Variants in CCSER1 observed in about 807,000 individuals in gnomAD.
CCSER1 encodes serine-rich coiled-coil domain-containing protein 1.
Under a neutral mutation model 82.0 loss-of-function variants are expected in CCSER1, and 41 were observed. The observed-to-expected ratio is 0.50, with a 90% CI of 0.39 to 0.65. CCSER1 has a LOEUF of 0.65. Ranked by LOEUF, CCSER1 falls within the 30% of genes least tolerant of loss-of-function variation. The probability of loss-of-function intolerance (pLI) is 0.00; values close to 1 mark genes in which losing one functional copy is unlikely to be tolerated. For missense variants in CCSER1, 1,119 were observed against 1,064.2 expected (o/e 1.05, Z -0.72); for synonymous variants, 414 against 383.9 (o/e 1.08, Z -0.92).
chr4:91,020,258 C>T (rs545035650), intron 9 of CCSER1, among the ~76,000 whole-genome samples: 1 of 152,316 alleles, frequency 6.6e-6, no homozygotes, highest in Admixed American at 6.5e-5. Context: ...TACAGACCCA[C>T]ATCCCTTGCA....
intron 10 of CCSER1, among the ~76,000 whole-genome samples, chr4:91,322,380 T>C (rs1409252556): frequency 6.6e-6 from 1 of 152,062 alleles, no homozygotes; most frequent in Non-Finnish European, 1.5e-5. Flanking sequence ...CCATATCCTC[T>C]TTAAGTTGAT....
At chr4:91,423,591 T>C (rs1350292127) in intron 10 of CCSER1, among the ~76,000 whole-genome samples, 1 of 152,160 alleles carries the variant, frequency 6.6e-6, no homozygotes, top group East Asian at 1.9e-4. Context: ...ATATAGCTTA[T>C]GAAACCAAGA....
At chr4:91,571,465 T>G (rs1395941106) in intron 10 of CCSER1, among the ~76,000 whole-genome samples, 5 of 152,202 alleles carry the variant, frequency 3.3e-5, no homozygotes, top group African/African-American at 1.2e-4. Flanking sequence ...CAGTTTTACA[T>G]GGCTGGGGAG....
chr4:90,447,838 C>T (rs1257250406), intron 4 of CCSER1, among the ~76,000 whole-genome samples: 4 of 151,946 alleles, frequency 2.6e-5, no homozygotes, highest in Admixed American at 1.3e-4. Context: ...AAGATATATT[C>T]AACAGTTTTA....
rs1397198019 is a variant in CCSER1, at chr4:90,239,082, C to T, written c.-41-69162C>T. ...GCCAGGCTGGTTCCGAACTCCTGAC[C>T]GCAGGTGATCCGCCTGCCTGGGCCT... On this transcript the variant is annotated intron_variant, in intron 1 of 10. Coordinates refer to ENST00000509176, the MANE Select transcript of CCSER1 (RefSeq NM_001145065.2). Among the ~76,000 whole-genome samples the T allele has an allele frequency of 9.2e-5, 14 of 152,222 alleles. No homozygotes were observed. The East Asian group carries it at 1.9e-3, about 21-fold the overall frequency.
At chr4:90,995,495 A>G (rs935831672) in intron 9 of CCSER1, among the ~76,000 whole-genome samples, 2 of 152,052 alleles carry the variant, frequency 1.3e-5, no homozygotes, top group African/African-American at 4.8e-5. Context: ...TTATGTTTGG[A>G]TATTTTTTTC....
At chr4:90,349,816 C>A (rs747465809) in intron 3 of CCSER1, among the ~76,000 whole-genome samples, 1 of 152,090 alleles carries the variant, frequency 6.6e-6, no homozygotes. Context: ...CCACAGGAAA[C>A]CTCTGTGAGT....
intron 10 of CCSER1, among the ~76,000 whole-genome samples, chr4:91,519,984 TTAAAG>T (rs113597972): frequency 0.011 from 1,670 of 152,326 alleles, 11 homozygotes; most frequent in African/African-American, 0.021. Context: ...TGCCTCTTGA[TTAAAG>T]TATTTTGTCA....
chr4:91,213,379 C>A (rs774110318), intron 10 of CCSER1, among the ~76,000 whole-genome samples: 2 of 152,162 alleles, frequency 1.3e-5, no homozygotes, highest in Middle Eastern at 3.4e-3. Context: ...TACAATTTTA[C>A]CAAAATAGGT....
intron 10 of CCSER1, among the ~76,000 whole-genome samples, chr4:91,415,105 T>C (rs538285913): frequency 6.6e-6 from 1 of 152,242 alleles, no homozygotes; most frequent in Admixed American, 6.5e-5. Context: ...ATACAGAACA[T>C]TCCATCTAAC....
chr4:90,964,583 G>T (rs913106187), intron 9 of CCSER1, among the ~76,000 whole-genome samples: 1 of 151,612 alleles, frequency 6.6e-6, no homozygotes, highest in African/African-American at 2.4e-5. Flanking sequence ...AACTTAGCTG[G>T]GTGTGGTGGC....
At chr4:91,198,370 T>G (rs1735623124) in intron 10 of CCSER1, among the ~76,000 whole-genome samples, 4 of 151,776 alleles carry the variant, frequency 2.6e-5, no homozygotes, top group Non-Finnish European at 5.9e-5. Flanking sequence ...AAAAAAAAAG[T>G]ATGGTGTTAA....
chr4:90,659,640 C>G (rs1730387641), intron 6 of CCSER1, among the ~76,000 whole-genome samples: 2 of 152,098 alleles, frequency 1.3e-5, no homozygotes, highest in Admixed American at 1.3e-4. Flanking sequence ...ATATTTTTAA[C>G]CAACATTGCA....
At chr4:91,022,649 C>G (rs902738894) in intron 9 of CCSER1, among the ~76,000 whole-genome samples, 21 of 152,294 alleles carry the variant, frequency 1.4e-4, no homozygotes, top group Admixed American at 1.2e-3. Context: ...GTTCTTATTT[C>G]TCCACATCCT....
chr4:91,105,709 A>C (rs528973688), intron 10 of CCSER1, among the ~76,000 whole-genome samples: 1 of 152,280 alleles, frequency 6.6e-6, no homozygotes, highest in Non-Finnish European at 1.5e-5. Context: ...ATCTCAAAAA[A>C]ATAAATAAAA....
At chr4:90,286,549 AT>A (rs1729933740) in intron 1 of CCSER1, among the ~76,000 whole-genome samples, 1 of 152,044 alleles carries the variant, frequency 6.6e-6, no homozygotes, top group Non-Finnish European at 1.5e-5. Context: ...AAATAAAAAA[AT>A]GACTTGACTC....
intron 8 of CCSER1, among the ~76,000 whole-genome samples, chr4:90,847,621 A>G (rs1033155599): frequency 1.2e-4 from 18 of 152,142 alleles, no homozygotes; most frequent in Admixed American, 1.3e-4. Flanking sequence ...TATTTCCTTT[A>G]ACTTTCTTAG....
At chr4:90,325,319 A>G (rs1311423070) in intron 3 of CCSER1, among the ~76,000 whole-genome samples, 1 of 152,206 alleles carries the variant, frequency 6.6e-6, no homozygotes, top group East Asian at 1.9e-4. Context: ...AATAATTTAA[A>G]AGGACAGCAG....
intron 10 of CCSER1, among the ~76,000 whole-genome samples, chr4:91,447,395 A>ATT (rs139717779): frequency 4.4e-4 from 21 of 47,488 alleles, no homozygotes; most frequent in African/African-American, 2.2e-3. Flanking sequence ...TCCCCCCTAA[A>ATT]CCTGCTATTT....
Sources: gnomAD v4.1 joint callset for allele counts (sites outside exome capture counted in the v4.1 genomes callset) on GRCh38, gnomAD v4.1.1 for gene constraint, MANE v1.5 for transcripts, NCBI Gene and HGNC (gene_info 2026-07-23, HGNC 2026-07-21) for gene names.